Variants in KIF13A observed in about 807,000 individuals in gnomAD.
The protein encoded by KIF13A is kinesin family member 13A.
KIF13A carries 79 observed loss-of-function variants against 212.2 expected under a neutral mutation model. The observed-to-expected ratio is 0.37, with a 90% CI of 0.31 to 0.45. KIF13A has a LOEUF of 0.45. Ranked by LOEUF, KIF13A falls within the 20% of genes least tolerant of loss-of-function variation. The pLI, the probability that KIF13A is intolerant of heterozygous loss-of-function variation, is 1.00. For synonymous variants in KIF13A, 789 were observed against 808.6 expected, an observed-to-expected ratio of 0.98 and a Z score of 0.41; for missense variants, 1,901 against 2,209.0, an observed-to-expected ratio of 0.86 and a Z score of 2.79.
chr6:17,781,891 G>A (rs1760621718), intron 29 of KIF13A, among the ~76,000 whole-genome samples: 1 of 151,970 alleles, frequency 6.6e-6, no homozygotes, highest in South Asian at 2.1e-4. Context: ...TCCTCCAAAA[G>A]CCCTGGGATT....
chr6:17,927,843 C>A (rs1775618428), intron 2 of KIF13A, among the ~76,000 whole-genome samples: 1 of 152,224 alleles, frequency 6.6e-6, no homozygotes, highest in Non-Finnish European at 1.5e-5. Context: ...AAACAAGCAA[C>A]TTCCACCTGG....
At chr6:17,931,090 T>C (rs1014631223) in intron 2 of KIF13A, among the ~76,000 whole-genome samples, 2 of 152,234 alleles carry the variant, frequency 1.3e-5, no homozygotes, top group Non-Finnish European at 2.9e-5. Context: ...ATGTGTGATG[T>C]TACACACTTA....
chr6:17,787,757 A>G lies in KIF13A; in HGVS notation c.3361+19T>C. 1 of 1,461,208 alleles carries G rather than the reference A, an allele frequency of 6.8e-7. No individual in the cohort carries two copies. The highest frequency in any genetic ancestry group is 9.6e-7 in the Non-Finnish European group (1 of 1,040,970). The allele number at this position is 1,461,208 out of a possible 1,614,324, so 90.5% of individuals were successfully genotyped here. On this transcript the variant is annotated intron_variant, in intron 27 of 38. Transcript: ENST00000259711. The surrounding 1 kb of genome is among the most constrained non-coding windows in gnomAD (Gnocchi z 4.6). Reference sequence around the variant, plus strand: ...AAGTGAAAAAGCTACTCCCCATAAAAGAGTTTGATCTCACATACCTGTTTT... The same window carrying G: ...AAGTGAAAAAGCTACTCCCCATAAAGGAGTTTGATCTCACATACCTGTTTT...
chr6:17,828,441 A>T lies in KIF13A; in HGVS notation c.1402-71T>A. ...ACTCAGCAAAAATGTATCACAATCA[A>T]TTTGAATAACGCAGCAGCATATGCA... On this transcript the variant is annotated intron_variant, in intron 13 of 38. Coordinates refer to ENST00000259711, the MANE Select transcript of KIF13A (RefSeq NM_022113.6). The surrounding 1 kb of genome is among the most constrained non-coding windows in gnomAD (Gnocchi z 4.3). 1 of 1,359,538 alleles carries T rather than the reference A, an allele frequency of 7.4e-7. No individual in the cohort carries two copies. The highest frequency in any genetic ancestry group is 1.0e-6 in the Non-Finnish European group (1 of 974,824). 84.2% of individuals were successfully genotyped at this position (1,359,538 alleles called of 1,614,324 possible). A position where few individuals can be genotyped will look rare whatever the true frequency, so the allele number is the denominator to read the frequency against.
chr6:17,799,176 TAAAAC>T lies in KIF13A; in HGVS notation c.2790+85_2790+89del, dbSNP rs936246179. ...AAACATCTAATAAACATATTATACT[TAAAAC>T]AAATGCTTGTGGGGACAACTGATTG... is the stretch of plus-strand genomic sequence containing the variant. On this transcript the variant is annotated intron_variant, in intron 22 of 38. Transcript: ENST00000259711. The surrounding 1 kb of genome is among the most constrained non-coding windows in gnomAD (Gnocchi z 4.4). The T allele has an allele frequency of 4.1e-4, 348 of 855,304 alleles. No individual in the cohort carries two copies. The highest frequency in any genetic ancestry group is 5.2e-4 in the Non-Finnish European group (314 of 604,972). 53.0% of individuals were successfully genotyped at this position (855,304 alleles called of 1,614,324 possible).
At chr6:17,767,135 C>A (rs191524051) in intron 38 of KIF13A, among the ~76,000 whole-genome samples, 5 of 152,302 alleles carry the variant, frequency 3.3e-5, no homozygotes. Flanking sequence ...GTGGAGCATT[C>A]TTTCCCAGGG....
In KIF13A at chr6:17,903,764, A is replaced by C. The variant is rs893864283; in HGVS notation, c.147-5584T>G. On this transcript the variant is annotated intron_variant, in intron 2 of 38. Coordinates refer to ENST00000259711, the MANE Select transcript of KIF13A (RefSeq NM_022113.6). Reference sequence around the variant, plus strand: ...GTGATTTTGTTAGCAAAAGTACTTAAATGAAAATATTCTAGGTGTCTTAGC... The same window carrying C: ...GTGATTTTGTTAGCAAAAGTACTTACATGAAAATATTCTAGGTGTCTTAGC... Among the ~76,000 whole-genome samples, 10 of 152,282 alleles carry C rather than the reference A, an allele frequency of 6.6e-5. No individual in the cohort carries two copies. In the East Asian group the frequency reaches 1.9e-3, roughly 29 times the overall value.
chr6:17,812,240 A>G lies in KIF13A; in HGVS notation c.2001-3310T>C, dbSNP rs78829717. On this transcript the variant is annotated intron_variant, in intron 17 of 38. Coordinates refer to ENST00000259711, the MANE Select transcript of KIF13A (RefSeq NM_022113.6). ...CATGCACAGGTTTGTTATACAGGTCAACTCATGACTAAGGGGTTTGATGTA... is the reference window on the plus strand; with the variant it reads ...CATGCACAGGTTTGTTATACAGGTCGACTCATGACTAAGGGGTTTGATGTA... 3.3e-5 allele frequency: 5 copies of G among 152,174 alleles called. No homozygotes were observed. In the East Asian group the frequency reaches 9.6e-4, roughly 29 times the overall value. 9.4% of individuals were successfully genotyped at this position (152,174 alleles called of 1,614,324 possible).
At chr6:17,910,504 A>G (rs754404336) in intron 2 of KIF13A, among the ~76,000 whole-genome samples, 2 of 152,268 alleles carry the variant, frequency 1.3e-5, no homozygotes, top group Non-Finnish European at 2.9e-5. Flanking sequence ...ACAGGCCAGA[A>G]TCAAGCATTT....
chr6:17,850,666 C>G lies in KIF13A; in HGVS notation c.583-209G>C. On this transcript the variant is annotated intron_variant, in intron 7 of 38. Transcript: ENST00000259711. This position sits in a 1 kb window ranked among gnomAD's most constrained non-coding sequence, Gnocchi z 6.2. ...TATGAAATGTTTCCCTAATTCTTTC[C>G]ATTTCCCAATTGTCTTCTTTCTCAG... Among the ~76,000 whole-genome samples, 1 of 152,138 alleles carries G rather than the reference C, an allele frequency of 6.6e-6. No individual in the cohort carries two copies. Among genetic ancestry groups the G allele is most frequent in the East Asian group, 1.9e-4 (1 of 5,194 alleles).
rs969798469 is a variant in KIF13A at position 17,780,322 on chromosome 6, A to T, written c.3846+408T>A. Reference sequence around the variant, plus strand: ...GATGGCTAGAACAACACTGGAGAGGATCAGTTTCACTGACAGCACCTCTGA... The same window carrying T: ...GATGGCTAGAACAACACTGGAGAGGTTCAGTTTCACTGACAGCACCTCTGA... On this transcript the variant is annotated intron_variant, in intron 31 of 38. Coordinates refer to ENST00000259711, the MANE Select transcript of KIF13A (RefSeq NM_022113.6). 4.2e-4 allele frequency among the ~76,000 whole-genome samples: 64 copies of T among 152,160 alleles called. 1 individual carries two copies. The highest frequency in any genetic ancestry group is 1.3e-4 in the Non-Finnish European group (9 of 68,024).
At chr6:17,970,837 G>C (rs60624312) in intron 2 of KIF13A, among the ~76,000 whole-genome samples, 1 of 152,206 alleles carries the variant, frequency 6.6e-6, no homozygotes, top group East Asian at 1.9e-4. Context: ...GCACACTCTT[G>C]GCTACAACAC....
chr6:17,788,262 G>A (rs1366213281), intron 26 of KIF13A, among the ~76,000 whole-genome samples: 1 of 152,120 alleles, frequency 6.6e-6, no homozygotes, highest in Non-Finnish European at 1.5e-5. Flanking sequence ...AACAACAAAT[G>A]GAATGGAAAA....
intron 2 of KIF13A, among the ~76,000 whole-genome samples, chr6:17,941,890 GTTA>G (rs1035886345): frequency 1.3e-5 from 2 of 151,314 alleles, no homozygotes; most frequent in Admixed American, 1.3e-4. Flanking sequence ...AATTATTAAC[GTTA>G]TTATTAGAGA....
At chr6:17,966,851 C>G (rs1430025847) in intron 2 of KIF13A, among the ~76,000 whole-genome samples, 1 of 151,918 alleles carries the variant, frequency 6.6e-6, no homozygotes, top group Non-Finnish European at 1.5e-5. Context: ...ATACTCAAAG[C>G]GTATTATTTA....
In KIF13A at chr6:17,828,459, C is replaced by G; in HGVS notation, c.1402-89G>C. On this transcript the variant is annotated intron_variant, in intron 13 of 38. Coordinates refer to ENST00000259711, the MANE Select transcript of KIF13A (RefSeq NM_022113.6). This position sits in a 1 kb window ranked among gnomAD's most constrained non-coding sequence, Gnocchi z 4.3. The stretch of plus-strand genomic sequence containing the variant: ...ACAATCAATTTGAATAACGCAGCAG[C>G]ATATGCACAAAAATATTAAACGAAT... 9.3e-7 allele frequency: 1 copy of G among 1,077,414 alleles called. No individual in the cohort carries two copies. Among genetic ancestry groups the G allele is most frequent in the Non-Finnish European group, 1.3e-6 (1 of 758,658 alleles). The allele number at this position is 1,077,414 out of a possible 1,614,324, so 66.7% of individuals were successfully genotyped here.
intron 4 of KIF13A, among the ~76,000 whole-genome samples, chr6:17,867,591 C>A (rs77900917): frequency 6.6e-6 from 1 of 152,154 alleles, no homozygotes; most frequent in Non-Finnish European, 1.5e-5. Context: ...TTGCCTACAG[C>A]CACACAGTTG....
rs1278410006 is a variant in KIF13A, at chr6:17,779,011, A to G, written c.4028T>C (p.Ile1343Thr). The change falls in exon 33 of 39, where the codon ATT (isoleucine) becomes ACT (threonine). Residue 1343 changes from isoleucine (I) to threonine (T), a missense_variant. Transcript: ENST00000259711. ...NEGTSDGETY[I>T]EKYTRGVLQV... ...CAGCACGCCTCGAGTGTACTTCTCA[A>G]TGTACGTCTCCCCATCTGATGTGCC... is the stretch of plus-strand genomic sequence containing the variant. 6.2e-7 allele frequency: 1 copy of G among 1,613,368 alleles called. No homozygotes were observed. The highest frequency in any genetic ancestry group is 1.3e-5 in the African/African-American group (1 of 74,810).
chr6:17,906,248 T>C (rs1426759195), intron 2 of KIF13A, among the ~76,000 whole-genome samples: 1 of 152,154 alleles, frequency 6.6e-6, no homozygotes, highest in Non-Finnish European at 1.5e-5. Flanking sequence ...GGTAGATCAT[T>C]CAGAATCTAC....
Sources: gnomAD v4.1 joint callset for allele counts (sites outside exome capture counted in the v4.1 genomes callset) on GRCh38, gnomAD v4.1.1 for gene constraint, Gnocchi (gnomAD v3.1) non-coding constraint, MANE v1.5 for transcripts, NCBI Gene and HGNC (gene_info 2026-07-23, HGNC 2026-07-21) for gene names.